The following RELN variants were observed in gnomAD, a reference collection of about 807,000 sequenced individuals.
RELN encodes reelin.
In RELN, 108 loss-of-function variants were observed where a neutral mutation model predicts 427.6. The ratio of observed to expected loss-of-function variants is 0.25; its 90% CI spans 0.22 to 0.30. RELN has a LOEUF of 0.30. Among genes scored for constraint, RELN ranks in the 10% least tolerant of loss-of-function variants. The probability of loss-of-function intolerance (pLI) is 1.00; values close to 1 mark genes in which losing one functional copy is unlikely to be tolerated. For missense variants in RELN, 3,715 were observed against 4,302.8 expected (o/e 0.86, Z 3.82); for synonymous variants, 1,524 against 1,513.4 (o/e 1.01, Z -0.16).
chr7:103,973,554 G>GAA (rs1362782545), intron 1 of RELN, among the ~76,000 whole-genome samples: 1 of 151,958 alleles, frequency 6.6e-6, no homozygotes, highest in East Asian at 1.9e-4. Context: ...ACAACTTAGG[G>GAA]AAAAGAATTT....
At chr7:103,759,849 G>A (rs946908398) in intron 4 of RELN, among the ~76,000 whole-genome samples, 2 of 151,938 alleles carry the variant, frequency 1.3e-5, no homozygotes, top group African/African-American at 2.4e-5. Flanking sequence ...TTATCCTTAC[G>A]ACAGTTTCTC....
chr7:103,571,018 A>G (rs564761712), intron 31 of RELN, among the ~76,000 whole-genome samples: 1 of 152,332 alleles, frequency 6.6e-6, no homozygotes, highest in Admixed American at 6.5e-5. Context: ...AAAAGCTTCT[A>G]TACTGCTTCA....
At position 103,566,718 on chromosome 7, in the gene RELN, G is replaced by C. The variant is rs373010833; in HGVS notation, c.4630C>G (p.His1544Asp). The C allele has an allele frequency of 1.9e-6, 3 of 1,614,102 alleles. No individual in the cohort carries two copies. In the Admixed American group the frequency reaches 5.0e-5, roughly 27 times the overall value. Residue 1544 changes from histidine (H) to aspartate (D), a missense_variant, in exon 32 of 65, where the codon CAT (histidine) becomes GAT (aspartate). Physicochemically the swap from His to Asp is moderately conservative, Grantham distance 81. Transcript: ENST00000428762. ...QYSNDNGILWHLLRELDFMSF... is the reference protein window; with the variant it reads ...QYSNDNGILWDLLRELDFMSF... ...ATGAAGTCCAACTCTCGAAGCAAAT[G>C]CCAGAGTATCCCATTGTCATTTGAA...
chr7:103,765,373 G>A (rs1479776219), intron 4 of RELN, among the ~76,000 whole-genome samples: 2 of 152,140 alleles, frequency 1.3e-5, no homozygotes, highest in Non-Finnish European at 2.9e-5. Context: ...TCTTAACAAT[G>A]GGATGGGAGA....
intron 4 of RELN, among the ~76,000 whole-genome samples, chr7:103,755,815 G>GAAAAAAAAAA (rs4006762): frequency 9.7e-6 from 1 of 103,626 alleles, no homozygotes; most frequent in Admixed American, 1.2e-4. Flanking sequence ...TCCACCTCAA[G>GAAAAAAAAAA]AAAAAAAAAA....
At chr7:103,906,924 G>C (rs1026143368) in intron 2 of RELN, among the ~76,000 whole-genome samples, 2 of 152,054 alleles carry the variant, frequency 1.3e-5, no homozygotes, top group Admixed American at 6.6e-5. Flanking sequence ...GAATGTGGTG[G>C]TCTTATTTCT....
At chr7:103,790,878 C>T (rs934347783) in intron 3 of RELN, among the ~76,000 whole-genome samples, 3 of 152,074 alleles carry the variant, frequency 2.0e-5, no homozygotes, top group African/African-American at 7.2e-5. Flanking sequence ...AGAAGAATCG[C>T]TTGAATCTGG....
At chr7:103,483,256 A>G (rs775668207) in intron 62 of RELN, among the ~76,000 whole-genome samples, 4 of 152,340 alleles carry the variant, frequency 2.6e-5, no homozygotes, top group South Asian at 2.1e-4. Context: ...TGTGACAGAC[A>G]CTGTGCTAGA....
At chr7:103,916,065 T>G (rs932439781) in intron 2 of RELN, among the ~76,000 whole-genome samples, 1 of 152,158 alleles carries the variant, frequency 6.6e-6, no homozygotes, top group Non-Finnish European at 1.5e-5. Context: ...TCATTTAAAA[T>G]GATGACTGAA....
intron 46 of RELN, among the ~76,000 whole-genome samples, chr7:103,533,874 A>C (rs1829993856): frequency 6.6e-6 from 1 of 151,786 alleles, no homozygotes; most frequent in Non-Finnish European, 1.5e-5. Flanking sequence ...ATTCATAAAG[A>C]CTTAAAAGAC....
chr7:103,798,796 G>A (rs1792373683), intron 3 of RELN, among the ~76,000 whole-genome samples: 1 of 152,146 alleles, frequency 6.6e-6, no homozygotes, highest in Non-Finnish European at 1.5e-5. Context: ...AGGAGATAAA[G>A]CAACGAACAA....
intron 1 of RELN, among the ~76,000 whole-genome samples, chr7:103,962,643 T>C (rs11767246): frequency 0.21 from 24,957 of 116,702 alleles, 2,115 homozygotes; most frequent in Middle Eastern, 0.36. Context: ...CATTCCAAAG[T>C]TGTTGTGTGT....
chr7:103,754,079 T>C (rs769709795), intron 4 of RELN, among the ~76,000 whole-genome samples: 1 of 152,108 alleles, frequency 6.6e-6, no homozygotes, highest in Non-Finnish European at 1.5e-5. Flanking sequence ...TGGATCTACA[T>C]TTCAATTGTC....
At position 103,610,770 on chromosome 7, in the gene RELN, G is replaced by A. The variant is rs1831934016; in HGVS notation, c.2933C>T (p.Thr978Ile). 6.2e-7 allele frequency: 1 copy of A among 1,611,394 alleles called. No individual in the cohort carries two copies. Among genetic ancestry groups the A allele is most frequent in the African/African-American group, 1.3e-5 (1 of 74,840 alleles). Residue 978 changes from threonine to isoleucine, a missense_variant, in exon 22 of 65, where the codon ACA becomes ATA. Thr to Ile is a moderately conservative substitution (Grantham distance 89). Coordinates refer to ENST00000428762, the MANE Select transcript of RELN (RefSeq NM_005045.4). ...ACTGGCATGGTAAATACTTGCTGAT[G>A]TAAATTCCTGACAACTTGGCATACT... The part of the protein sequence containing the change: ...LPSMPSCQEF[T>I]SASIYHASEF...
At chr7:103,844,427 C>G (rs1031169634) in intron 2 of RELN, among the ~76,000 whole-genome samples, 1 of 152,172 alleles carries the variant, frequency 6.6e-6, no homozygotes, top group Non-Finnish European at 1.5e-5. Flanking sequence ...TCTGGACAAA[C>G]TAATAACAGC....
At chr7:103,765,045 C>A (rs1225905304) in intron 4 of RELN, among the ~76,000 whole-genome samples, 1 of 151,366 alleles carries the variant, frequency 6.6e-6, no homozygotes, top group African/African-American at 2.4e-5. Flanking sequence ...GGCCAGATGG[C>A]AGGGTTAGGA....
Position 103,495,912 on chromosome 7 carries a change from T to C in RELN, c.9194-14A>G. 1 of 1,613,474 alleles carries C rather than the reference T, an allele frequency of 6.2e-7. No individual in the cohort carries two copies. Among genetic ancestry groups the C allele is most frequent in the Non-Finnish European group, 8.5e-7 (1 of 1,179,618 alleles). On this transcript the variant is annotated splice_polypyrimidine_tract_variant and intron_variant, in intron 56 of 64. Transcript: ENST00000428762. ...GGGAAGTGCCTTCTGTTAAGGAAAA[T>C]TGGAAGCAATATGGCATATTATTCT...
chr7:103,478,361 T>A, intron 64 of RELN, 28 bp downstream of exon 64: 1 of 756,728 alleles, frequency 1.3e-6, no homozygotes, highest in East Asian at 2.4e-5. Flanking sequence ...TAGTAAACAG[T>A]TCCCCAGATT....
intron 2 of RELN, among the ~76,000 whole-genome samples, chr7:103,877,604 T>G (rs1392679552): frequency 6.6e-6 from 1 of 152,134 alleles, no homozygotes; most frequent in African/African-American, 2.4e-5. Context: ...TCCAGATTTT[T>G]CTAAAGTGCA....
Sources: gnomAD v4.1 joint callset for allele counts (sites outside exome capture counted in the v4.1 genomes callset) on GRCh38, gnomAD v4.1.1 for gene constraint, MANE v1.5 for transcripts, NCBI Gene and HGNC (gene_info 2026-07-23, HGNC 2026-07-21) for gene names.